The following PRKCSH variants were observed in gnomAD, a reference collection of about 807,000 sequenced individuals.
PRKCSH encodes the protein glucosidase 2 subunit beta.
In PRKCSH, 42 loss-of-function variants were observed where a neutral mutation model predicts 79.7. The ratio of observed to expected loss-of-function variants is 0.53; its 90% CI spans 0.41 to 0.68. The LOEUF (loss-of-function observed/expected upper bound fraction) is 0.68, where lower values mean the gene tolerates loss of function less well. PRKCSH is among the 30% of genes least tolerant of loss of function. The pLI is 0.00. For missense variants in PRKCSH, 686 were observed against 709.0 expected (o/e 0.97, Z 0.37); for synonymous variants, 325 against 288.2 (o/e 1.13, Z -1.29).
At chr19:11,438,839 A>G (rs2144811694) in intron 5 of PRKCSH, among the ~76,000 whole-genome samples, 1 of 151,640 alleles carries the variant, frequency 6.6e-6, no homozygotes, top group East Asian at 1.9e-4. Context: ...TGTGGCATCT[A>G]GGGGAACAGC....
chr19:11,436,529 A>G, intron 3 of PRKCSH, 24 bp downstream of exon 3: 2 of 1,565,702 alleles, frequency 1.3e-6, no homozygotes, highest in South Asian at 1.1e-5. Flanking sequence ...CTGTTCATCC[A>G]TCAGATGTTT....
At chr19:11,439,782 G>A (rs953449966) in intron 5 of PRKCSH, among the ~76,000 whole-genome samples, 3 of 151,126 alleles carry the variant, frequency 2.0e-5, no homozygotes, top group Non-Finnish European at 4.4e-5. Context: ...CACCACACCC[G>A]GCTAAAATTT....
In PRKCSH at chr19:11,447,681, C is replaced by A. The variant is rs1261937318; in HGVS notation, c.1030-12C>A. On this transcript the variant is annotated splice_polypyrimidine_tract_variant and intron_variant, in intron 11 of 17. Coordinates refer to ENST00000677123, the MANE Select transcript of PRKCSH (RefSeq NM_001289104.2). This position sits in a 1 kb window ranked among gnomAD's most constrained non-coding sequence, Gnocchi z 5.6. ...GGGGAAGGGCTACTCACTGACCCTGCCCCTGCCCCAGGAGGCCCCACCGCC... is the reference window on the plus strand; with the variant it reads ...GGGGAAGGGCTACTCACTGACCCTGACCCTGCCCCAGGAGGCCCCACCGCC... 5.8e-6 allele frequency: 9 copies of A among 1,565,208 alleles called. No homozygotes were observed. Among genetic ancestry groups the A allele is most frequent in the Non-Finnish European group, 4.3e-6 (5 of 1,154,172 alleles).
intron 7 of PRKCSH, among the ~76,000 whole-genome samples, chr19:11,444,786 A>C (rs1034939430): frequency 6.6e-6 from 1 of 151,976 alleles, no homozygotes; most frequent in Admixed American, 6.6e-5. Flanking sequence ...AGATGCCCCC[A>C]GGACCGGTCT....
rs1245142359 is a variant in PRKCSH at position 11,448,212 on chromosome 19, C to T, written c.1127-10C>T. 1 of 1,554,638 alleles carries T rather than the reference C, an allele frequency of 6.4e-7. No homozygotes were observed. The highest frequency in any genetic ancestry group is 8.7e-7 in the Non-Finnish European group (1 of 1,148,492). On this transcript the variant is annotated splice_polypyrimidine_tract_variant and intron_variant, in intron 12 of 17. Coordinates refer to ENST00000677123, the MANE Select transcript of PRKCSH (RefSeq NM_001289104.2). This position sits in a 1 kb window ranked among gnomAD's most constrained non-coding sequence, Gnocchi z 4.4. ...TTGAGGACATCTCTGACCTCCAACC[C>T]CTCTCCCAGCTGCCCAGGAGGCCCG... is the stretch of plus-strand genomic sequence containing the variant.
At chr19:11,439,057 C>T (rs1213028209) in intron 5 of PRKCSH, among the ~76,000 whole-genome samples, 1 of 151,928 alleles carries the variant, frequency 6.6e-6, no homozygotes, top group East Asian at 1.9e-4. Flanking sequence ...ACAGGCGTAC[C>T]CCCACCACGC....
chr19:11,446,120 G>A (rs1247738267), intron 8 of PRKCSH, 152 bp from the exon 9 acceptor site: 4 of 745,924 alleles, frequency 5.4e-6, no homozygotes, highest in East Asian at 2.7e-5. Flanking sequence ...TGAGGAGGGG[G>A]CAGGAGGGTG....
At chr19:11,442,349 C>T (rs1259618077) in intron 6 of PRKCSH, 37 bp from the exon 7 acceptor site, 1 of 1,557,902 alleles carries the variant, frequency 6.4e-7, no homozygotes. Flanking sequence ...GGAGGCAGAA[C>T]AGAGGAGAGC....
chr19:11,445,575 C>G (rs1970258199), intron 8 of PRKCSH, 102 bp downstream of exon 8: 2 of 1,189,388 alleles, frequency 1.7e-6, no homozygotes, highest in South Asian at 1.3e-5. Flanking sequence ...CTTGGGTTCC[C>G]CCGGCGTGGG....
In PRKCSH at chr19:11,448,413, G is replaced by T; in HGVS notation, c.1196+122G>T. 6.9e-7 allele frequency: 1 copy of T among 1,448,396 alleles called. No homozygotes were observed. The highest frequency in any genetic ancestry group is 2.3e-5 in the East Asian group (1 of 43,262). 89.7% of individuals were successfully genotyped at this position (1,448,396 alleles called of 1,614,324 possible). A position where few individuals can be genotyped will look rare whatever the true frequency, so the allele number is the denominator to read the frequency against. On this transcript the variant is annotated intron_variant, in intron 13 of 17. Coordinates refer to ENST00000677123, the MANE Select transcript of PRKCSH (RefSeq NM_001289104.2). This position sits in a 1 kb window ranked among gnomAD's most constrained non-coding sequence, Gnocchi z 4.4. Reference sequence around the variant, plus strand: ...GCTGGGCCTGGTCCCTGCAGGGAGGGTCCCTGGGAGGTGGCAGGGAGGACA... The same window carrying T: ...GCTGGGCCTGGTCCCTGCAGGGAGGTTCCCTGGGAGGTGGCAGGGAGGACA...
At chr19:11,437,787 T>G in intron 3 of PRKCSH, 89 bp from the exon 4 acceptor site, 3 of 1,097,140 alleles carry the variant, frequency 2.7e-6, no homozygotes, top group Middle Eastern at 4.0e-4. Flanking sequence ...CTGTGTGCAG[T>G]GTGGGTCAGG....
intron 7 of PRKCSH, 113 bp downstream of exon 7, chr19:11,442,628 T>A: frequency 6.7e-7 from 1 of 1,485,922 alleles, no homozygotes; most frequent in Non-Finnish European, 9.1e-7. Context: ...TTGATCATGC[T>A]GCCCATCGCC....
In PRKCSH at chr19:11,447,723, C is replaced by T; in HGVS notation, c.1060C>T (p.Pro354Ser). 1 of 1,590,752 alleles carries T rather than the reference C, an allele frequency of 6.3e-7. No individual in the cohort carries two copies. The highest frequency in any genetic ancestry group is 8.6e-7 in the Non-Finnish European group (1 of 1,168,502). ...CCCACCGCCACTGTCACCCCCGCAG[C>T]CGGCCAGCCCTGCTGAGGAAGACAA... The part of the protein sequence containing the change: ...EAPPPLSPPQ[P>S]ASPAEEDKMP... The change falls in exon 12 of 18, where the codon CCG (proline) becomes TCG (serine). Residue 354 changes from proline to serine, a missense_variant. Around this residue, in one of 2 missense-constraint regions of PRKCSH, gnomAD observed 549 missense variants for 520.2 expected, o/e 1.06. Coordinates refer to ENST00000677123, the MANE Select transcript of PRKCSH (RefSeq NM_001289104.2). The surrounding 1 kb of genome is among the most constrained non-coding windows in gnomAD (Gnocchi z 5.6).
intron 8 of PRKCSH, chr19:11,445,794 G>A (rs767896291): frequency 4.7e-4 from 226 of 480,398 alleles, no homozygotes; most frequent in Non-Finnish European, 7.3e-4. Context: ...ACCTGGGTTC[G>A]AATCCTGGCT....
chr19:11,445,978 C>A, intron 8 of PRKCSH: 1 of 554,628 alleles, frequency 1.8e-6, no homozygotes, highest in Non-Finnish European at 3.2e-6. Context: ...ATGGCAGCTT[C>A]AATGTGCCGG....
chr19:11,439,840 C>T (rs573034399), intron 5 of PRKCSH, among the ~76,000 whole-genome samples: 5 of 151,422 alleles, frequency 3.3e-5, no homozygotes, highest in East Asian at 2.0e-4. Flanking sequence ...AGGCTGGTCT[C>T]GAACTCCTGA....
chr19:11,438,091 A>T lies in PRKCSH; in HGVS notation c.317A>T (p.Tyr106Phe). Residue 106 changes from tyrosine to phenylalanine, a missense_variant, in exon 5 of 18, where the codon TAC (tyrosine) becomes TTC (phenylalanine). Physicochemically the swap from Tyr to Phe is conservative, Grantham distance 22 (BLOSUM62 3). This residue lies in a region of PRKCSH where 549 missense variants were observed against 520.2 expected (regional missense o/e 1.06). Transcript: ENST00000677123. ...VCDCCDGTDE[Y>F]NSGVICENTC... is the part of the protein sequence containing the mutation. ...GACTGCTGCGATGGAACAGACGAGT[A>T]CAACAGCGGCGTCATCTGTGAGAAC... 2 of 1,614,172 alleles carry T rather than the reference A, an allele frequency of 1.2e-6. No individual in the cohort carries two copies. The highest frequency in any genetic ancestry group is 1.7e-6 in the Non-Finnish European group (2 of 1,180,016).
chr19:11,450,166 A>AT (rs1257293472), intron 17 of PRKCSH, among the ~76,000 whole-genome samples: 6 of 150,604 alleles, frequency 4.0e-5, no homozygotes, highest in Non-Finnish European at 7.4e-5. Context: ...TTAAAAAAAG[A>AT]TTTTTTTACT....
intron 3 of PRKCSH, among the ~76,000 whole-genome samples, chr19:11,437,044 T>C (rs1206055194): frequency 6.6e-6 from 1 of 151,326 alleles, no homozygotes; most frequent in Non-Finnish European, 1.5e-5. Context: ...TTTGGTTTTG[T>C]TTTTGTTTTG....
Sources: allele counts gnomAD v4.1 joint callset (sites outside exome capture counted in the v4.1 genomes callset), GRCh38; gene constraint gnomAD v4.1.1; regional missense constraint gnomAD v4.1.1; non-coding constraint Gnocchi (gnomAD v3.1); transcripts MANE v1.5; gene names NCBI Gene and HGNC (gene_info 2026-07-23, HGNC 2026-07-21).